COL4A2: variants seen among roughly 807,000 people sequenced by gnomAD.
The protein encoded by COL4A2 is collagen alpha-2(IV) chain.
COL4A2 carries 99 observed loss-of-function variants against 200.2 expected under a neutral mutation model. The ratio of observed to expected loss-of-function variants is 0.49; its 90% confidence interval spans 0.42 to 0.58. The LOEUF (loss-of-function observed/expected upper bound fraction) is 0.58, where lower values mean the gene tolerates loss of function less well. Among genes scored for constraint, COL4A2 ranks in the 20% least tolerant of loss-of-function variants. COL4A2 has a pLI of 0.00. For missense variants in COL4A2, 1,950 were observed against 2,314.1 expected, an observed-to-expected ratio of 0.84 and a Z score of 3.23; for synonymous variants, 897 against 900.6, an observed-to-expected ratio of 1.00 and a Z score of 0.07.
rs755749809 is a variant in COL4A2 at position 110,473,074 on chromosome 13, A to G, written c.2349A>G (p.Pro783=). The G allele has an allele frequency of 1.9e-5, 30 of 1,541,676 alleles. No homozygotes were observed. In the South Asian group the frequency reaches 3.7e-4, roughly 19 times the overall value. Residue 783 remains proline (P), a synonymous_variant, in exon 29 of 48, where the codon CCA becomes CCG. Coordinates refer to ENST00000360467, the MANE Select transcript of COL4A2 (RefSeq NM_001846.4). ...AAGTCCTGGGAGCTCAGCCCGGGCC[A>G]CGGGGAGATGCTGGTGTGCCTGGAC... The part of the protein sequence containing the change: ...PGEVLGAQPG[P]RGDAGVPGQP...
chr13:110,452,949 G>C (rs952493856), intron 20 of COL4A2, among the ~76,000 whole-genome samples: 1 of 151,844 alleles, frequency 6.6e-6, no homozygotes, highest in Non-Finnish European at 1.5e-5. Flanking sequence ...AATTTTGGTA[G>C]AGACGGGGGT....
intron 47 of COL4A2, among the ~76,000 whole-genome samples, chr13:110,510,622 G>GTA (rs1884051785): frequency 6.6e-6 from 1 of 150,970 alleles, no homozygotes; most frequent in African/African-American, 2.4e-5. Context: ...TGCACTGTGT[G>GTA]TGTGTGTGTG....
chr13:110,353,758 T>C (rs1330295446), intron 3 of COL4A2, among the ~76,000 whole-genome samples: 6 of 152,190 alleles, frequency 3.9e-5, no homozygotes, highest in Non-Finnish European at 7.4e-5. Context: ...AGGTAAGATG[T>C]CAGTGGGAAC....
chr13:110,321,225 T>TATATAC (rs1178174893), intron 3 of COL4A2, among the ~76,000 whole-genome samples: 4 of 143,608 alleles, frequency 2.8e-5, no homozygotes, highest in South Asian at 2.1e-4. Flanking sequence ...TATATATATA[T>TATATAC]ACACACACAC....
intron 20 of COL4A2, among the ~76,000 whole-genome samples, chr13:110,454,574 C>T (rs1469903366): frequency 6.6e-6 from 1 of 152,136 alleles, no homozygotes; most frequent in East Asian, 1.9e-4. Context: ...CTGACCTGGT[C>T]ACCGGTCACC....
intron 4 of COL4A2, among the ~76,000 whole-genome samples, chr13:110,405,417 C>A (rs760355720): frequency 1.5e-4 from 23 of 152,246 alleles, no homozygotes; most frequent in Middle Eastern, 3.4e-3. Flanking sequence ...TAGTGGGTCC[C>A]GGTGTGGGAC....
chr13:110,500,525 C>T (rs1436216406), intron 40 of COL4A2, among the ~76,000 whole-genome samples: 2 of 152,178 alleles, frequency 1.3e-5, no homozygotes, highest in Non-Finnish European at 2.9e-5. Context: ...CACAGATTTC[C>T]TTATGTGGCC....
chr13:110,484,916 G>T lies in COL4A2; in HGVS notation c.2914G>T (p.Asp972Tyr). 1.2e-6 allele frequency: 2 copies of T among 1,611,210 alleles called. No individual in the cohort carries two copies. Among genetic ancestry groups the T allele is most frequent in the East Asian group, 2.2e-5 (1 of 44,812 alleles). Residue 972 changes from aspartate (D) to tyrosine (Y), a missense_variant, in exon 33 of 48, where the codon GAC becomes TAC. Physicochemically the swap from Asp to Tyr is radical, Grantham distance 160. Around this residue, in one of 2 missense-constraint regions of COL4A2, gnomAD observed 1,385 missense variants for 1,720.5 expected, o/e 0.80. Coordinates refer to ENST00000360467, the MANE Select transcript of COL4A2 (RefSeq NM_001846.4). ...GEPGFKGSRG[D>Y]PGPPGPPPVI... is the part of the protein sequence containing the mutation. ...CTATTCCCTTCCAGGCAGCCGAGGG[G>T]ACCCTGGGCCCCCAGGACCACCTCC...
At chr13:110,413,938 C>T (rs1170572380) in intron 4 of COL4A2, among the ~76,000 whole-genome samples, 2 of 152,220 alleles carry the variant, frequency 1.3e-5, no homozygotes, top group Non-Finnish European at 2.9e-5. Context: ...GCCCCCTCAC[C>T]TGTCTACGTG....
chr13:110,429,106 A>T (rs1880581719), intron 7 of COL4A2: 1 of 152,324 alleles, frequency 6.6e-6, no homozygotes, highest in Non-Finnish European at 1.5e-5. Context: ...ATTTCCAAGG[A>T]AATCTTGCAA....
chr13:110,453,185 T>G (rs955333337), intron 20 of COL4A2, among the ~76,000 whole-genome samples: 2 of 152,112 alleles, frequency 1.3e-5, no homozygotes, highest in African/African-American at 4.8e-5. Flanking sequence ...CATGACATGT[T>G]AAAAACAAAA....
At chr13:110,333,888 G>A (rs543035420) in intron 3 of COL4A2, among the ~76,000 whole-genome samples, 11 of 152,328 alleles carry the variant, frequency 7.2e-5, no homozygotes. Context: ...ATGACCTCAA[G>A]TGACCTTTAG....
At chr13:110,334,027 C>T (rs1190286011) in intron 3 of COL4A2, among the ~76,000 whole-genome samples, 1 of 152,230 alleles carries the variant, frequency 6.6e-6, no homozygotes, top group Non-Finnish European at 1.5e-5. Flanking sequence ...CCCCATGCTC[C>T]TGCTGAGTTC....
chr13:110,338,030 TC>T (rs1300962107), intron 3 of COL4A2, among the ~76,000 whole-genome samples: 1 of 152,214 alleles, frequency 6.6e-6, no homozygotes, highest in Admixed American at 6.5e-5. Context: ...CACAAAACTC[TC>T]CAAAGGAACC....
intron 4 of COL4A2, among the ~76,000 whole-genome samples, chr13:110,372,559 A>G (rs1878060213): frequency 6.6e-6 from 1 of 151,984 alleles, no homozygotes. Context: ...TTTCTTTTTT[A>G]ATGTGTGTTA....
At chr13:110,357,377 G>T in intron 3 of COL4A2, 95 bp from the exon 4 acceptor site, 1 of 1,481,374 alleles carries the variant, frequency 6.8e-7, no homozygotes, top group Non-Finnish European at 9.1e-7. Flanking sequence ...ATCGTTTCTA[G>T]AGTTGGAAGG....
intron 29 of COL4A2, among the ~76,000 whole-genome samples, chr13:110,476,744 G>T (rs1009534254): frequency 6.6e-6 from 1 of 152,242 alleles, no homozygotes; most frequent in Non-Finnish European, 1.5e-5. Context: ...AGGGGGAAAT[G>T]CCTGAATATA....
At chr13:110,426,875 C>A (rs1455308556) in intron 6 of COL4A2, among the ~76,000 whole-genome samples, 1 of 152,064 alleles carries the variant, frequency 6.6e-6, no homozygotes, top group Non-Finnish European at 1.5e-5. Flanking sequence ...AGTGCAAGGG[C>A]CCCTTATGTC....
intron 3 of COL4A2, among the ~76,000 whole-genome samples, chr13:110,317,994 G>T (rs1754458017): frequency 6.6e-6 from 1 of 152,194 alleles, no homozygotes; most frequent in African/African-American, 2.4e-5. Context: ...CCGTGTTTGT[G>T]CTGCTGTTTT....
Sources: gnomAD v4.1 joint callset for allele counts (sites outside exome capture counted in the v4.1 genomes callset) on GRCh38, gnomAD v4.1.1 for gene constraint, gnomAD v4.1.1 regional missense constraint, MANE v1.5 for transcripts, NCBI Gene and HGNC (gene_info 2026-07-23, HGNC 2026-07-21) for gene names.